Variants in UMOD observed in about 807,000 individuals in gnomAD.
UMOD encodes the protein uromodulin.
Under a neutral mutation model 66.0 loss-of-function variants are expected in UMOD, and 64 were observed. The ratio of observed to expected loss-of-function variants is 0.97; its 90% CI spans 0.79 to 1.19. UMOD has a LOEUF of 1.19. UMOD is among the 50% of genes most tolerant of loss of function. The pLI, the probability that UMOD is intolerant of heterozygous loss-of-function variation, is 0.00. For missense variants in UMOD, 764 were observed against 850.9 expected (o/e 0.90, Z 1.27); for synonymous variants, 398 against 352.7 (o/e 1.13, Z -1.44).
intron 6 of UMOD, among the ~76,000 whole-genome samples, chr16:20,342,116 A>G (rs1354794010): frequency 6.6e-6 from 1 of 152,230 alleles, no homozygotes; most frequent in African/African-American, 2.4e-5. Context: ...AGGCATACGC[A>G]GGAGGATCAT....
rs78691203 is a variant in UMOD, at chr16:20,348,461, G to C, written c.840C>G (p.Pro280=). Residue 280 remains proline (P), a synonymous_variant, in exon 3 of 11, where the codon CCC becomes CCG. Transcript: ENST00000396138. ...GYYVYNLTAP[P]ECHLAYCTDP... ...CTGTGCAGTACGCCAGGTGACACTCGGGGGGCGCTGTCAGGTTGTAGACGT... is the reference window on the plus strand; with the variant it reads ...CTGTGCAGTACGCCAGGTGACACTCCGGGGGCGCTGTCAGGTTGTAGACGT... 5.6e-6 allele frequency: 9 copies of C among 1,613,124 alleles called. No homozygotes were observed. The highest frequency in any genetic ancestry group is 1.7e-4 in the Middle Eastern group (1 of 6,060).
intron 1 of UMOD, 34 bp from the exon 2 acceptor site, chr16:20,350,873 T>G: frequency 6.5e-7 from 1 of 1,530,960 alleles, no homozygotes. Flanking sequence ...AAATGCATGA[T>G]CTAACTCTCC....
intron 1 of UMOD, chr16:20,351,122 G>T: frequency 3.3e-6 from 1 of 300,572 alleles, no homozygotes; most frequent in South Asian, 3.4e-5. Flanking sequence ...ATAGTGTTCT[G>T]GACTCACCAC....
At chr16:20,352,019 C>A (rs950041973) in intron 1 of UMOD, among the ~76,000 whole-genome samples, 85 of 141,424 alleles carry the variant, frequency 6.0e-4, no homozygotes, top group Non-Finnish European at 1.1e-3. Context: ...ATCCCCCCCC[C>A]CCAAAAAAAA....
chr16:20,343,630 G>A (rs1388030018), intron 6 of UMOD, among the ~76,000 whole-genome samples: 1 of 152,110 alleles, frequency 6.6e-6, no homozygotes, highest in Non-Finnish European at 1.5e-5. Flanking sequence ...TCAAATTCCT[G>A]GGCTCAAGCG....
chr16:20,349,130 G>A lies in UMOD; in HGVS notation c.171C>T (p.Thr57=), dbSNP rs1324735067. 1 of 1,613,868 alleles carries A rather than the reference G, an allele frequency of 6.2e-7. No individual in the cohort carries two copies. Among genetic ancestry groups the A allele is most frequent in the Admixed American group, 1.7e-5 (1 of 60,008 alleles). ...GGTCCACGCAGGTCAGGCCATCGCC[G>A]GTGAAGCCCTCCTGACAGGTGCACG... ...VTTCTCQEGF[T]GDGLTCVDLD... Residue 57 remains threonine, a synonymous_variant, in exon 3 of 11, where the codon ACC becomes ACT. Transcript: ENST00000396138.
chr16:20,341,159 C>A lies in UMOD; in HGVS notation c.1509G>T (p.Met503Ile). Residue 503 changes from methionine to isoleucine, a missense_variant, in exon 7 of 11, where the codon ATG becomes ATT. Met to Ile is a conservative substitution (Grantham distance 10). Transcript: ENST00000396138. ...TACTGGGTGTGGCATAGCAGTTGGTCATGAGCAGTGCAAATCGGGACAGGT... is the reference window on the plus strand; with the variant it reads ...TACTGGGTGTGGCATAGCAGTTGGTAATGAGCAGTGCAAATCGGGACAGGT... ...GGDLSRFALL[M>I]TNCYATPSSN... 1 of 1,614,072 alleles carries A rather than the reference C, an allele frequency of 6.2e-7. No individual in the cohort carries two copies. The highest frequency in any genetic ancestry group is 1.1e-5 in the South Asian group (1 of 91,064).
intron 10 of UMOD, 62 bp downstream of exon 10, chr16:20,335,420 A>G (rs1964814195): frequency 6.5e-7 from 1 of 1,542,354 alleles, no homozygotes; most frequent in Admixed American, 1.7e-5. Context: ...ACAAGTTAAC[A>G]GATAGAAGCC....
At chr16:20,352,021 CA>C (rs66494166) in intron 1 of UMOD, among the ~76,000 whole-genome samples, 5,586 of 122,844 alleles carry the variant, frequency 0.045, 270 homozygotes, top group African/African-American at 0.13. Context: ...CCCCCCCCCC[CA>C]AAAAAAAAAA....
chr16:20,336,747 GA>G lies in UMOD; in HGVS notation c.1741-21del, dbSNP rs1307432425. 6.2e-7 allele frequency: 1 copy of G among 1,609,514 alleles called. No individual in the cohort carries two copies. The highest frequency in any genetic ancestry group is 8.5e-7 in the Non-Finnish European group (1 of 1,176,010). ...GCAGGTCTACAGGGAGAGGGCAATA[GA>G]AAAACACCCTCCATGAAGGAGCCTG... On this transcript the variant is annotated intron_variant, in intron 8 of 10. Coordinates refer to ENST00000396138, the MANE Select transcript of UMOD (RefSeq NM_003361.4).
In UMOD at chr16:20,349,166, C is replaced by T; in HGVS notation, c.135G>A (p.Glu45=). 6.2e-7 allele frequency: 1 copy of T among 1,614,058 alleles called. No homozygotes were observed. Among genetic ancestry groups the T allele is most frequent in the Non-Finnish European group, 8.5e-7 (1 of 1,180,024 alleles). Residue 45 remains glutamate, a synonymous_variant, in exon 3 of 11, where the codon GAG becomes GAA. Coordinates refer to ENST00000396138, the MANE Select transcript of UMOD (RefSeq NM_003361.4). ...CCTGACAGGTGCACGTCGTAACGGC[C>T]TCATCCTCCGTGCAGGTGGCATTGC... The part of the protein sequence containing the change: ...CHSNATCTED[E]AVTTCTCQEG...
At chr16:20,338,322 C>T (rs1964992402) in intron 7 of UMOD, among the ~76,000 whole-genome samples, 1 of 152,270 alleles carries the variant, frequency 6.6e-6, no homozygotes, top group South Asian at 2.1e-4. Flanking sequence ...TCACTGTCTC[C>T]CCGACTTGTC....
chr16:20,346,079 T>C (rs759395401), intron 5 of UMOD, 47 bp downstream of exon 5: 2 of 1,570,202 alleles, frequency 1.3e-6, no homozygotes, highest in East Asian at 2.2e-5. Context: ...AGCTGAAGCT[T>C]GAACCAGGCA....
intron 2 of UMOD, among the ~76,000 whole-genome samples, chr16:20,350,114 C>T (rs1417624287): frequency 4.6e-5 from 7 of 152,108 alleles, no homozygotes; most frequent in African/African-American, 1.7e-4. Flanking sequence ...GATGGCAGGA[C>T]CACAAAATAT....
Position 20,352,019 on chromosome 16 carries a change from C to T in UMOD, c.-103+670G>A, listed in dbSNP as rs950041973. Among the ~76,000 whole-genome samples the T allele has an allele frequency of 1.3e-3, 189 of 141,426 alleles. 1 individual carries two copies. The highest frequency in any genetic ancestry group is 1.8e-3 in the Non-Finnish European group (122 of 66,512). The allele number at this position is 141,426 out of a possible 152,430, so 92.8% of individuals were successfully genotyped here. On this transcript the variant is annotated intron_variant, in intron 1 of 10. Transcript: ENST00000396138. ...GGTGACAGAGAGTCCATCCCCCCCC[C>T]CCAAAAAAAAAAAGACAGAAAGAAA...
upstream of UMOD, among the ~76,000 whole-genome samples, chr16:20,355,810 T>C (rs185566577): frequency 1.3e-5 from 2 of 152,284 alleles, no homozygotes; most frequent in East Asian, 3.9e-4. Context: ...CTGTGCTCAG[T>C]GCTTTTGCCT....
chr16:20,349,611 C>T (rs1242931506), intron 2 of UMOD: 2 of 1,409,286 alleles, frequency 1.4e-6, no homozygotes, highest in African/African-American at 2.9e-5. Flanking sequence ...CAATCGCGCC[C>T]AGCTCCACCA....
At chr16:20,335,210 G>T (rs548594496) in intron 10 of UMOD, among the ~76,000 whole-genome samples, 2 of 152,266 alleles carry the variant, frequency 1.3e-5, no homozygotes, top group Non-Finnish European at 2.9e-5. Context: ...TGCAGATCTG[G>T]AGTGTGTGCA....
chr16:20,350,169 C>A (rs35650857), intron 2 of UMOD, among the ~76,000 whole-genome samples: 2 of 152,020 alleles, frequency 1.3e-5, no homozygotes, highest in Non-Finnish European at 2.9e-5. Flanking sequence ...CGTGCCCCAA[C>A]GTACTCCAGG....
Sources: allele counts gnomAD v4.1 joint callset (sites outside exome capture counted in the v4.1 genomes callset), GRCh38; gene constraint gnomAD v4.1.1; transcripts MANE v1.5; gene names NCBI Gene and HGNC (gene_info 2026-07-23, HGNC 2026-07-21).